The following UNC79 variants were observed in gnomAD, a reference collection of about 807,000 sequenced individuals.
The protein encoded by UNC79 is unc-79 subunit of NALCN channel complex, also known as protein unc-79 homolog.
A neutral mutation model predicts 283.1 loss-of-function variants in UNC79; 37 were observed. The ratio of observed to expected loss-of-function variants is 0.13; its 90% CI spans 0.10 to 0.17. The LOEUF (loss-of-function observed/expected upper bound fraction) is 0.17, where lower values mean the gene tolerates loss of function less well. Ranked by LOEUF, UNC79 falls within the 10% of genes least tolerant of loss-of-function variation. The pLI is 1.00. For missense variants in UNC79, 2,272 were observed against 3,211.1 expected (o/e 0.71, Z 7.07); for synonymous variants, 1,107 against 1,200.2 (o/e 0.92, Z 1.61).
At chr14:93,559,809 G>A (rs962847164) in intron 14 of UNC79, among the ~76,000 whole-genome samples, 5 of 152,102 alleles carry the variant, frequency 3.3e-5, no homozygotes, top group African/African-American at 1.2e-4. Flanking sequence ...CAGGGGATAC[G>A]ATGGCTTAGC....
chr14:93,366,735 G>A (rs903221410), intron 1 of UNC79, among the ~76,000 whole-genome samples: 55 of 151,988 alleles, frequency 3.6e-4, no homozygotes, highest in African/African-American at 1.2e-3. Flanking sequence ...ACCACGACCA[G>A]CAAATTTGTG....
chr14:93,641,324 G>T, intron 33 of UNC79, 77 bp downstream of exon 36: 2 of 1,388,584 alleles, frequency 1.4e-6, no homozygotes, highest in Non-Finnish European at 2.0e-6. Context: ...GAAAGTTTCA[G>T]AAAAAGCATG....
chr14:93,440,712 TA>T (rs2056269736), intron 1 of UNC79, among the ~76,000 whole-genome samples: 1 of 152,114 alleles, frequency 6.6e-6, no homozygotes, highest in East Asian at 1.9e-4. Flanking sequence ...TAAAAGTGCA[TA>T]AATTTCCATG....
At chr14:93,541,294 G>A (rs2061358541) in intron 13 of UNC79, among the ~76,000 whole-genome samples, 1 of 152,196 alleles carries the variant, frequency 6.6e-6, no homozygotes, top group South Asian at 2.1e-4. Flanking sequence ...GTACACCAGA[G>A]ACGTTATAGC....
At chr14:93,693,636 A>G (rs2074871660) in intron 46 of UNC79, among the ~76,000 whole-genome samples, 1 of 152,182 alleles carries the variant, frequency 6.6e-6, no homozygotes, top group African/African-American at 2.4e-5. Flanking sequence ...CCCACGGAGA[A>G]TAAAGCCTCG....
intron 1 of UNC79, chr14:93,464,697 C>A (rs1566954265): frequency 1.2e-5 from 5 of 428,288 alleles, no homozygotes; most frequent in Admixed American, 8.2e-5. Context: ...AGAAATGTAG[C>A]CTTAGGGTCA....
chr14:93,396,630 T>C (rs554887509), intron 1 of UNC79, among the ~76,000 whole-genome samples: 28 of 152,322 alleles, frequency 1.8e-4, no homozygotes, highest in African/African-American at 6.7e-4. Flanking sequence ...GTGACTCTTC[T>C]CAATTATTGC....
Position 93,531,068 on chromosome 14 carries a change from A to G in UNC79, c.1094-1482A>G, listed in dbSNP as rs1246244780. Among the ~76,000 whole-genome samples, 1 of 152,204 alleles carries G rather than the reference A, an allele frequency of 6.6e-6. No homozygotes were observed. The highest frequency in any genetic ancestry group is 2.4e-5 in the African/African-American group (1 of 41,456). On this transcript the variant is annotated intron_variant, in intron 10 of 48. Coordinates refer to ENST00000555664, the Ensembl canonical transcript of UNC79. The surrounding 1 kb of genome is among the most constrained non-coding windows in gnomAD (Gnocchi z 4.2). ...GAGGTAAAAGCCATAGTCAAGTTAT[A>G]AAATATAAGTTATAAAATCCTTTTT...
At chr14:93,460,232 G>A (rs1359892629) in intron 1 of UNC79, among the ~76,000 whole-genome samples, 5 of 127,312 alleles carry the variant, frequency 3.9e-5, no homozygotes, top group African/African-American at 8.8e-5. Context: ...AAAAAAGGCC[G>A]AGTGCAGTGG....
rs1017730886 is a variant in UNC79 at position 93,582,298 on chromosome 14, G to A, written c.2757G>A (p.Lys919=). Reference sequence around the variant, plus strand: ...AGGAGGAGGAGAATCCTGCAAGCAAGCATGGGGAGAACCCAGGCAACTGCA... The same window carrying A: ...AGGAGGAGGAGAATCCTGCAAGCAAACATGGGGAGAACCCAGGCAACTGCA... Residue 919 remains lysine, a synonymous_variant, in exon 20 of 49, where the codon AAG becomes AAA. Transcript: ENST00000555664. 8.1e-6 allele frequency: 13 copies of A among 1,614,114 alleles called. No homozygotes were observed. In the Admixed American group the frequency reaches 1.7e-4, roughly 21 times the overall value.
intron 14 of UNC79, among the ~76,000 whole-genome samples, chr14:93,555,295 T>C (rs1456213147): frequency 4.8e-5 from 2 of 41,430 alleles, no homozygotes; most frequent in African/African-American, 1.0e-4. Context: ...CATATCTTGG[T>C]AGTAAGACAT....
intron 14 of UNC79, among the ~76,000 whole-genome samples, chr14:93,563,187 A>T (rs990359838): frequency 2.0e-5 from 3 of 152,156 alleles, no homozygotes; most frequent in African/African-American, 7.2e-5. Context: ...AAGGGGGAGT[A>T]GGTGGGAGTG....
At chr14:93,490,853 T>TA (rs1566993064) in intron 5 of UNC79, among the ~76,000 whole-genome samples, 2 of 152,198 alleles carry the variant, frequency 1.3e-5, no homozygotes, top group Non-Finnish European at 2.9e-5. Flanking sequence ...CCCTACCTGT[T>TA]ACCCAGTTCC....
chr14:93,479,393 G>A lies in UNC79; in HGVS notation c.619+1665G>A, dbSNP rs112825598. On this transcript the variant is annotated intron_variant, in intron 4 of 48. Coordinates refer to ENST00000555664, the Ensembl canonical transcript of UNC79. ...GCTCACTATAACCTCTGCCTCCTGA[G>A]TTCAAGTGATTCTCCTGCCTCAGCC... Among the ~76,000 whole-genome samples the A allele has an allele frequency of 7.3e-3, 1,109 of 152,214 alleles. 12 individuals carry two copies. Among genetic ancestry groups the A allele is most frequent in the African/African-American group, 0.025 (1,041 of 41,512 alleles).
intron 1 of UNC79, among the ~76,000 whole-genome samples, chr14:93,449,290 T>C (rs915605162): frequency 6.6e-6 from 1 of 152,202 alleles, no homozygotes; most frequent in African/African-American, 2.4e-5. Context: ...TTAAGCTGAT[T>C]ATTTTTGAGT....
At chr14:93,494,690 G>C (rs1169840927) in intron 5 of UNC79, among the ~76,000 whole-genome samples, 1 of 152,170 alleles carries the variant, frequency 6.6e-6, no homozygotes, top group Admixed American at 6.5e-5. Flanking sequence ...GAAATGTGGA[G>C]TGGTTCTGTG....
At chr14:93,347,790 A>G (rs556313381) in intron 1 of UNC79, among the ~76,000 whole-genome samples, 1 of 152,204 alleles carries the variant, frequency 6.6e-6, no homozygotes, top group Non-Finnish European at 1.5e-5. Flanking sequence ...ATCCTGGGCC[A>G]CATCGAAGTT....
intron 1 of UNC79, among the ~76,000 whole-genome samples, chr14:93,344,377 A>C (rs543463736): frequency 6.6e-5 from 10 of 152,338 alleles, no homozygotes; most frequent in Non-Finnish European, 1.5e-4. Flanking sequence ...ATTTATCATA[A>C]AGTATATAAA....
chr14:93,619,002 G>A (rs774097126), intron 29 of UNC79, among the ~76,000 whole-genome samples: 3 of 152,138 alleles, frequency 2.0e-5, no homozygotes, highest in Non-Finnish European at 4.4e-5. Context: ...GTAAGTCACG[G>A]CTGACTAGAT....
Sources: gnomAD v4.1 joint callset for allele counts (sites outside exome capture counted in the v4.1 genomes callset) on GRCh38, gnomAD v4.1.1 for gene constraint, Gnocchi (gnomAD v3.1) non-coding constraint, MANE v1.5 for transcripts, NCBI Gene and HGNC (gene_info 2026-07-23, HGNC 2026-07-21) for gene names.